ABCD3: variants seen among roughly 807,000 people sequenced by gnomAD.
ABCD3 encodes ATP binding cassette subfamily D member 3.
ABCD3 carries 41 observed loss-of-function variants against 105.5 expected under a neutral mutation model. The observed-to-expected ratio is 0.39, with a 90% confidence interval of 0.30 to 0.50. The LOEUF is 0.50. Among genes scored for constraint, ABCD3 ranks in the 20% least tolerant of loss-of-function variants. The pLI is 0.84. For missense variants in ABCD3, 622 were observed against 806.3 expected (o/e 0.77, Z 2.77); for synonymous variants, 258 against 269.0 (o/e 0.96, Z 0.40).
chr1:94,450,976 A>T (rs892567458), intron 1 of ABCD3, among the ~76,000 whole-genome samples: 7 of 152,144 alleles, frequency 4.6e-5, no homozygotes, highest in African/African-American at 1.4e-4. Context: ...ATTTATGAGC[A>T]TTTGTTGTGG....
chr1:94,492,309 T>C (rs1009206234), intron 16 of ABCD3, among the ~76,000 whole-genome samples: 8 of 152,180 alleles, frequency 5.3e-5, no homozygotes, highest in African/African-American at 1.9e-4. Context: ...AATATAATTA[T>C]TGGACTTGTT....
intron 1 of ABCD3, among the ~76,000 whole-genome samples, chr1:94,457,777 C>A (rs1338413895): frequency 6.6e-6 from 1 of 152,270 alleles, no homozygotes; most frequent in East Asian, 1.9e-4. Context: ...TTTGGGCTTG[C>A]ATCAGTTTGA....
At chr1:94,489,868 T>A in intron 14 of ABCD3, 35 bp from the exon 15 acceptor site, 2 of 1,611,722 alleles carry the variant, frequency 1.2e-6, no homozygotes, top group Non-Finnish European at 1.7e-6. Flanking sequence ...TTTGCTGACA[T>A]AATATGATGC....
At chr1:94,506,997 A>G (rs1422318809) in intron 21 of ABCD3, among the ~76,000 whole-genome samples, 1 of 151,650 alleles carries the variant, frequency 6.6e-6, no homozygotes, top group East Asian at 1.9e-4. Flanking sequence ...TTTTTAATTT[A>G]TTATTATTAT....
At chr1:94,425,718 T>A (rs530937823) in intron 1 of ABCD3, among the ~76,000 whole-genome samples, 47 of 152,320 alleles carry the variant, frequency 3.1e-4, no homozygotes, top group Non-Finnish European at 5.9e-4. Flanking sequence ...GATATTTAAA[T>A]TTTTTTCTAC....
chr1:94,392,002 C>T, the ABCD3 span, among the ~76,000 whole-genome samples: 1 of 152,096 alleles, frequency 6.6e-6, no homozygotes, highest in South Asian at 2.1e-4. Context: ...GCCTTTGGTC[C>T]TTTCGTTACT....
the ABCD3 span, among the ~76,000 whole-genome samples, chr1:94,411,566 G>C: frequency 6.6e-6 from 1 of 152,122 alleles, no homozygotes; most frequent in Non-Finnish European, 1.5e-5. Context: ...CTGTGGAAAA[G>C]TTTGGCAGTT....
chr1:94,422,812 G>A (rs550195654), intron 1 of ABCD3, among the ~76,000 whole-genome samples: 1 of 152,292 alleles, frequency 6.6e-6, no homozygotes, highest in African/African-American at 2.4e-5. Context: ...CTGGGTAGTG[G>A]GAAATCAGTG....
At chr1:94,456,194 C>T (rs1043673170) in intron 1 of ABCD3, among the ~76,000 whole-genome samples, 1 of 147,060 alleles carries the variant, frequency 6.8e-6, no homozygotes, top group East Asian at 2.0e-4. Flanking sequence ...TCTTTTTGGG[C>T]CTGGCTTATT....
At chr1:94,474,473 GA>G (rs1353079956) in intron 5 of ABCD3, among the ~76,000 whole-genome samples, 1 of 152,138 alleles carries the variant, frequency 6.6e-6, no homozygotes, top group Admixed American at 6.6e-5. Context: ...GGGTAAAAAT[GA>G]GAAGCTTGGT....
At chr1:94,440,193 A>G (rs1660080941) in intron 1 of ABCD3, among the ~76,000 whole-genome samples, 1 of 152,282 alleles carries the variant, frequency 6.6e-6, no homozygotes, top group Middle Eastern at 3.4e-3. Context: ...CTTTGATACT[A>G]TCCCATTGTT....
chr1:94,478,251 T>C lies in ABCD3; in HGVS notation c.628-8T>C. 2 of 1,545,814 alleles carry C rather than the reference T, an allele frequency of 1.3e-6. No individual in the cohort carries two copies. Among genetic ancestry groups the C allele is most frequent in the Non-Finnish European group, 8.9e-7 (1 of 1,120,202 alleles). ...TTAATTCTGTGTATTCTAATATTTA[T>C]TTTACAGCCATTTTTAGACATAGTT... On this transcript the variant is annotated splice_region_variant and splice_polypyrimidine_tract_variant and intron_variant, in intron 7 of 22. Coordinates refer to ENST00000370214, the MANE Select transcript of ABCD3 (RefSeq NM_002858.4).
At chr1:94,513,085 G>A (rs569523312) in intron 21 of ABCD3, among the ~76,000 whole-genome samples, 1 of 152,002 alleles carries the variant, frequency 6.6e-6, no homozygotes, top group Non-Finnish European at 1.5e-5. Context: ...AAGCACTGGC[G>A]TGATGATGAA....
intron 1 of ABCD3, among the ~76,000 whole-genome samples, chr1:94,447,655 G>A (rs950281827): frequency 6.6e-6 from 1 of 152,122 alleles, no homozygotes; most frequent in Non-Finnish European, 1.5e-5. Context: ...AATATAATTT[G>A]TGCTGCCCCC....
chr1:94,392,577 C>T, the ABCD3 span, among the ~76,000 whole-genome samples: 1 of 152,192 alleles, frequency 6.6e-6, no homozygotes, highest in Non-Finnish European at 1.5e-5. Flanking sequence ...TTGACATCTG[C>T]CATCCCATTG....
intron 20 of ABCD3, among the ~76,000 whole-genome samples, chr1:94,500,335 A>G (rs1252000752): frequency 1.3e-5 from 2 of 152,142 alleles, no homozygotes; most frequent in African/African-American, 4.8e-5. Flanking sequence ...AGTCCTAGCT[A>G]CTGGGAGGCG....
At chr1:94,471,022 T>G (rs1648430346) in intron 4 of ABCD3, among the ~76,000 whole-genome samples, 2 of 152,178 alleles carry the variant, frequency 1.3e-5, no homozygotes, top group Admixed American at 1.3e-4. Flanking sequence ...TGGCTGTGAA[T>G]TCATATTTAA....
chr1:94,428,701 T>G (rs1225683271), intron 1 of ABCD3, among the ~76,000 whole-genome samples: 1 of 152,150 alleles, frequency 6.6e-6, no homozygotes, highest in Non-Finnish European at 1.5e-5. Context: ...TTGCTCCTCT[T>G]TGCCTTCCAC....
intron 21 of ABCD3, among the ~76,000 whole-genome samples, chr1:94,511,208 AT>A (rs1312738257): frequency 2.0e-5 from 3 of 151,780 alleles, no homozygotes; most frequent in African/African-American, 7.3e-5. Context: ...ATCTCTCAGC[AT>A]TTGCTTGTCT....
Sources: allele counts gnomAD v4.1 joint callset (sites outside exome capture counted in the v4.1 genomes callset), GRCh38; gene constraint gnomAD v4.1.1; transcripts MANE v1.5; gene names NCBI Gene and HGNC (gene_info 2026-07-23, HGNC 2026-07-21).